The following MLLT3 variants were observed in gnomAD, a reference collection of about 807,000 sequenced individuals.
The protein encoded by MLLT3 is MLLT3 super elongation complex subunit.
MLLT3 carries 4 observed loss-of-function variants against 53.2 expected under a neutral mutation model. The observed-to-expected ratio is 0.08, with a 90% confidence interval of 0.04 to 0.17. MLLT3 has a LOEUF of 0.17. Among genes scored for constraint, MLLT3 ranks in the 10% least tolerant of loss-of-function variants. The pLI, the probability that MLLT3 is intolerant of heterozygous loss-of-function variation, is 1.00. For missense variants in MLLT3, 569 were observed against 684.0 expected, an observed-to-expected ratio of 0.83 and a Z score of 1.87; for synonymous variants, 283 against 230.6, an observed-to-expected ratio of 1.23 and a Z score of -2.06.
rs747298605 is a variant in MLLT3, at chr9:20,414,312, ACTGCTGCTGCTG to A, written c.522_533del (p.Ser187_Ser190del). The A allele has an allele frequency of 6.4e-6, 10 of 1,564,934 alleles. No individual in the cohort carries two copies. The highest frequency in any genetic ancestry group is 2.8e-5 in the African/African-American group (2 of 72,640). ...TGCTGCTGCTGCTACTGCTGCTGCT[ACTGCTGCTGCTG>A]CTGCTGCTGCTGCTGCTGCTACTGC... On this transcript the variant is annotated inframe_deletion, in exon 5 of 11. Coordinates refer to ENST00000380338, the MANE Select transcript of MLLT3 (RefSeq NM_004529.4).
At chr9:20,547,628 G>A (rs1340110319) in intron 2 of MLLT3, among the ~76,000 whole-genome samples, 2 of 125,826 alleles carry the variant, frequency 1.6e-5, no homozygotes, top group Non-Finnish European at 3.2e-5. Context: ...TGGACAACAA[G>A]AGTGAAACTC....
At chr9:20,545,778 G>T (rs1818770320) in intron 2 of MLLT3, among the ~76,000 whole-genome samples, 1 of 150,982 alleles carries the variant, frequency 6.6e-6, no homozygotes, top group Non-Finnish European at 1.5e-5. Context: ...CAACACTTTG[G>T]GAGGTCAGGA....
intron 2 of MLLT3, among the ~76,000 whole-genome samples, chr9:20,569,038 C>T (rs1819456497): frequency 6.6e-6 from 1 of 152,052 alleles, no homozygotes; most frequent in Non-Finnish European, 1.5e-5. Flanking sequence ...GAAAACTATC[C>T]AGAGCCTCAG....
intron 4 of MLLT3, among the ~76,000 whole-genome samples, chr9:20,433,713 G>T (rs1422870516): frequency 6.6e-6 from 1 of 152,054 alleles, no homozygotes; most frequent in Non-Finnish European, 1.5e-5. Flanking sequence ...AAATCTTCAA[G>T]TTCATGAAAG....
chr9:20,499,538 C>G (rs1367151228), intron 2 of MLLT3, among the ~76,000 whole-genome samples: 2 of 152,096 alleles, frequency 1.3e-5, no homozygotes, highest in East Asian at 1.9e-4. Flanking sequence ...AAGCTCTGAC[C>G]TCCTTGAAAC....
chr9:20,548,655 C>T (rs1004389622), intron 2 of MLLT3, among the ~76,000 whole-genome samples: 2 of 152,138 alleles, frequency 1.3e-5, no homozygotes, highest in Non-Finnish European at 2.9e-5. Context: ...TCCCCTGTCC[C>T]AGGTGTAATC....
At chr9:20,426,313 C>T (rs145099714) in intron 4 of MLLT3, among the ~76,000 whole-genome samples, 7 of 152,076 alleles carry the variant, frequency 4.6e-5, no homozygotes, top group Non-Finnish European at 1.0e-4. Flanking sequence ...TTTATTAAAC[C>T]AGCTTAAAAA....
chr9:20,445,895 G>T (rs1823683171), intron 4 of MLLT3, among the ~76,000 whole-genome samples: 1 of 152,106 alleles, frequency 6.6e-6, no homozygotes, highest in South Asian at 2.1e-4. Flanking sequence ...ACATAATCGT[G>T]AACTCATTTC....
Position 20,621,902 on chromosome 9 carries a change from CGTGTGT to C in MLLT3, c.12+337_12+342del, listed in dbSNP as rs142328824. ...TGAGTTATTATTCGCCTCCTTCCAC[CGTGTGT>C]GTGTGTGTGTGTGAGTGCGCGCGTG... On this transcript the variant is annotated intron_variant, in intron 1 of 10. Transcript: ENST00000380338. This position sits in a 1 kb window ranked among gnomAD's most constrained non-coding sequence, Gnocchi z 7.0. The C allele has an allele frequency of 2.6e-4, 316 of 1,233,420 alleles. No individual in the cohort carries two copies. Among genetic ancestry groups the C allele is most frequent in the East Asian group, 4.9e-4 (15 of 30,334 alleles). 76.4% of individuals were successfully genotyped at this position (1,233,420 alleles called of 1,614,324 possible). A position where few individuals can be genotyped will look rare whatever the true frequency, so the allele number is the denominator to read the frequency against.
intron 2 of MLLT3, among the ~76,000 whole-genome samples, chr9:20,485,095 TCTC>T (rs1373878553): frequency 6.6e-6 from 1 of 151,918 alleles, no homozygotes. Context: ...TTCAAGCAAT[TCTC>T]CTCCCTCAGC....
chr9:20,458,547 A>G (rs1197078011), intron 2 of MLLT3, among the ~76,000 whole-genome samples: 2 of 152,156 alleles, frequency 1.3e-5, no homozygotes, highest in Admixed American at 6.5e-5. Flanking sequence ...GGAACTTTTG[A>G]AGGTGATTAG....
At chr9:20,505,065 A>C (rs1825350781) in intron 2 of MLLT3, among the ~76,000 whole-genome samples, 1 of 152,238 alleles carries the variant, frequency 6.6e-6, no homozygotes, top group South Asian at 2.1e-4. Flanking sequence ...AAGAACATCC[A>C]ATTTAGTGAC....
At position 20,528,341 on chromosome 9, in the gene MLLT3, C is replaced by A. The variant is rs186921775; in HGVS notation, c.194-71555G>T. 1.8e-3 allele frequency among the ~76,000 whole-genome samples: 280 copies of A among 152,322 alleles called. 4 individuals carry two copies. Among genetic ancestry groups the A allele is most frequent in the Non-Finnish European group, 2.1e-3 (145 of 68,036 alleles). On this transcript the variant is annotated intron_variant, in intron 2 of 10. Coordinates refer to ENST00000380338, the MANE Select transcript of MLLT3 (RefSeq NM_004529.4). Reference sequence around the variant, plus strand: ...TAATCTGTTACACAAATATATACTGCTGTGTAGACAGGGATAGCACACCGC... The same window carrying A: ...TAATCTGTTACACAAATATATACTGATGTGTAGACAGGGATAGCACACCGC...
chr9:20,497,948 G>A (rs1293222228), intron 2 of MLLT3, among the ~76,000 whole-genome samples: 1 of 152,034 alleles, frequency 6.6e-6, no homozygotes, highest in Non-Finnish European at 1.5e-5. Context: ...TTCTATGGGT[G>A]CAGTGGCTCA....
intron 10 of MLLT3, among the ~76,000 whole-genome samples, chr9:20,349,816 CACA>C (rs1338972408): frequency 1.3e-5 from 2 of 152,182 alleles, no homozygotes; most frequent in Non-Finnish European, 2.9e-5. Flanking sequence ...GCCACACATG[CACA>C]ACAATATAAA....
intron 2 of MLLT3, among the ~76,000 whole-genome samples, chr9:20,492,183 G>A (rs1217858223): frequency 6.6e-6 from 1 of 151,860 alleles, no homozygotes; most frequent in Non-Finnish European, 1.5e-5. Flanking sequence ...TATGCATATG[G>A]ATTGATATCA....
At chr9:20,483,287 T>A (rs1390250393) in intron 2 of MLLT3, among the ~76,000 whole-genome samples, 5 of 151,900 alleles carry the variant, frequency 3.3e-5, no homozygotes, top group Non-Finnish European at 7.4e-5. Context: ...CAGGCTGGAG[T>A]GCAGTGGTGC....
In MLLT3 at chr9:20,367,706, A is replaced by T. The variant is rs552915586; in HGVS notation, c.1126-1962T>A. On this transcript the variant is annotated intron_variant, in intron 5 of 10. Transcript: ENST00000380338. Reference sequence around the variant, plus strand: ...AATATGCTCATAGTCTTAACTATATATTTGAGAATATTTGTGGTTTCCTGT... The same window carrying T: ...AATATGCTCATAGTCTTAACTATATTTTTGAGAATATTTGTGGTTTCCTGT... Among the ~76,000 whole-genome samples, 12 of 152,348 alleles carry T rather than the reference A, an allele frequency of 7.9e-5. No homozygotes were observed. The South Asian group carries it at 1.5e-3, about 18-fold the overall frequency.
At chr9:20,545,886 T>TA (rs1818775421) in intron 2 of MLLT3, among the ~76,000 whole-genome samples, 1 of 139,992 alleles carries the variant, frequency 7.1e-6, no homozygotes, top group Admixed American at 7.1e-5. Flanking sequence ...AAATTAAAAA[T>TA]TAGCATCTCC....
Sources: allele counts gnomAD v4.1 joint callset (sites outside exome capture counted in the v4.1 genomes callset), GRCh38; gene constraint gnomAD v4.1.1; non-coding constraint Gnocchi (gnomAD v3.1); transcripts MANE v1.5; gene names NCBI Gene and HGNC (gene_info 2026-07-23, HGNC 2026-07-21).